The following ICMT variants were observed in gnomAD, a reference collection of about 807,000 sequenced individuals.
ICMT encodes the protein isoprenylcysteine carboxyl methyltransferase.
Under a neutral mutation model 32.2 loss-of-function variants are expected in ICMT, and 10 were observed. That is an observed-to-expected ratio of 0.31 (90% CI 0.19 to 0.53). ICMT has a LOEUF of 0.53. Ranked by LOEUF, ICMT falls within the 20% of genes least tolerant of loss-of-function variation. The pLI, the probability that ICMT is intolerant of heterozygous loss-of-function variation, is 0.96. For missense variants in ICMT, 265 were observed against 356.9 expected (o/e 0.74, Z 2.07); for synonymous variants, 183 against 158.2 (o/e 1.16, Z -1.18).
At chr1:6,234,638 G>A in intron 2 of ICMT, 1 of 540,560 alleles carries the variant, frequency 1.8e-6, no homozygotes, top group Non-Finnish European at 3.4e-6. Flanking sequence ...CACCACAGCT[G>A]CGGATGACAG....
At chr1:6,235,138 G>A (rs1250572055) in intron 1 of ICMT, among the ~76,000 whole-genome samples, 164 bp from the exon 2 acceptor site, 1 of 152,172 alleles carries the variant, frequency 6.6e-6, no homozygotes, top group Non-Finnish European at 1.5e-5. Flanking sequence ...TGCACCCACC[G>A]CTCTCTGGCT....
chr1:6,225,089 C>T lies in ICMT; in HGVS notation c.846G>A (p.Val282=), dbSNP rs149108074. ...CCGGGGCCACTGCCCGTCACAGGTC[C>T]ACCTTGACCCCCTTTATGAAAGGCA... ...TGLPFIKGVK[V]DL The change falls in exon 5 of 5, where the codon GTG becomes GTA. Residue 282 remains valine (V), a synonymous_variant. Transcript: ENST00000343813. 5 of 1,612,932 alleles carry T rather than the reference C, an allele frequency of 3.1e-6. No homozygotes were observed. Among genetic ancestry groups the T allele is most frequent in the Non-Finnish European group, 3.4e-6 (4 of 1,179,290 alleles).
In ICMT at chr1:6,225,043, G is replaced by A; in HGVS notation, c.*37C>T. On this transcript the variant is annotated 3_prime_UTR_variant, in exon 5 of 5. Coordinates refer to ENST00000343813, the MANE Select transcript of ICMT (RefSeq NM_012405.4). ...AAACAGTTTTGTCCCAGGCTGCACA[G>A]GGTCGGAGGCCCCAAGGTCACCGGG... 1 of 1,575,150 alleles carries A rather than the reference G, an allele frequency of 6.3e-7. No homozygotes were observed. Among genetic ancestry groups the A allele is most frequent in the East Asian group, 2.2e-5 (1 of 44,582 alleles).
chr1:6,227,843 G>C (rs141498969), intron 4 of ICMT, among the ~76,000 whole-genome samples: 1 of 151,760 alleles, frequency 6.6e-6, no homozygotes, highest in Non-Finnish European at 1.5e-5. Context: ...GCGACAGAGC[G>C]AGACTCTGTC....
At chr1:6,234,051 GTTGGCAAGGCTGGTCTCGAACTCCTGGC>G (rs1276835238) in intron 2 of ICMT, among the ~76,000 whole-genome samples, 1 of 152,168 alleles carries the variant, frequency 6.6e-6, no homozygotes, top group Non-Finnish European at 1.5e-5. Flanking sequence ...GTTTCGCTAT[GTTGGCAAGGCTGGTCTCGAACTCCTGGC>G]TTGGCCAGGC....
intron 4 of ICMT, among the ~76,000 whole-genome samples, chr1:6,227,628 A>G (rs1668664797): frequency 6.6e-6 from 1 of 152,156 alleles, no homozygotes; most frequent in Admixed American, 6.6e-5. Context: ...GACTGAGGCA[A>G]GTGGATCATG....
At chr1:6,229,628 C>T (rs1668699650) in intron 4 of ICMT, among the ~76,000 whole-genome samples, 1 of 152,178 alleles carries the variant, frequency 6.6e-6, no homozygotes, top group Non-Finnish European at 1.5e-5. Flanking sequence ...CACCGCACTC[C>T]AGCCTGGGCA....
intron 3 of ICMT, among the ~76,000 whole-genome samples, chr1:6,233,003 A>C (rs1033959179): frequency 2.0e-5 from 3 of 151,638 alleles, no homozygotes; most frequent in Non-Finnish European, 4.4e-5. Context: ...GATTACAGGC[A>C]TGTGCCACTA....
rs1227858203 is a variant in ICMT, at chr1:6,225,227, A to G, written c.708T>C (p.Tyr236=). The G allele has an allele frequency of 6.2e-7, 1 of 1,613,940 alleles. No individual in the cohort carries two copies. The highest frequency in any genetic ancestry group is 8.5e-7 in the Non-Finnish European group (1 of 1,179,994). ...GGAAGAATCGCCACACTGTCAGGGC[A>G]TAGCTGACGCCGCAGATGGGGTTAC... The part of the protein sequence containing the change: ...MLCNPICGVS[Y]ALTVWRFFRD... The change falls in exon 5 of 5, where the codon TAT becomes TAC. Residue 236 remains tyrosine (Y), a synonymous_variant. Transcript: ENST00000343813.
chr1:6,229,232 G>A (rs553238006), intron 4 of ICMT, among the ~76,000 whole-genome samples: 3 of 152,070 alleles, frequency 2.0e-5, no homozygotes, highest in Non-Finnish European at 4.4e-5. Flanking sequence ...TAATCCCAAC[G>A]CTTTGGGAGG....
chr1:6,234,858 A>T (rs773837622), intron 2 of ICMT, 28 bp downstream of exon 2: 3 of 1,542,608 alleles, frequency 1.9e-6, no homozygotes, highest in Non-Finnish European at 2.7e-6. Context: ...CCTCGCCTGA[A>T]AACCAGTATT....
At chr1:6,235,037 G>T in intron 1 of ICMT, 63 bp from the exon 2 acceptor site, 1 of 1,365,094 alleles carries the variant, frequency 7.3e-7, no homozygotes, top group South Asian at 1.2e-5. Context: ...CTGGGCTGCT[G>T]ACCTTCCCGG....
chr1:6,233,759 T>TA, intron 2 of ICMT, 116 bp from the exon 3 acceptor site: 2 of 785,630 alleles, frequency 2.5e-6, no homozygotes, highest in Non-Finnish European at 4.0e-6. Context: ...CTCACCTGTC[T>TA]GAGAGTGGAC....
At position 6,234,953 on chromosome 1, in the gene ICMT, G is replaced by A; in HGVS notation, c.217C>T (p.Leu73=). The part of the protein sequence containing the change: ...RYQIAIRACF[L]GFVFGCGTLL... ...GTGCCGCAGCCGAACACAAACCCCA[G>A]GAAACAAGCTCGGATGGCTATCTGA... The change falls in exon 2 of 5, where the codon CTG becomes TTG. Residue 73 remains leucine, a synonymous_variant. Transcript: ENST00000343813. 8 of 1,613,902 alleles carry A rather than the reference G, an allele frequency of 5.0e-6. No homozygotes were observed. Among genetic ancestry groups the A allele is most frequent in the Non-Finnish European group, 6.8e-6 (8 of 1,179,974 alleles).
intron 2 of ICMT, 111 bp downstream of exon 2, chr1:6,234,775 T>G (rs1215448591): frequency 1.2e-6 from 1 of 834,408 alleles, no homozygotes; most frequent in Non-Finnish European, 2.0e-6. Flanking sequence ...CAGAGAACCC[T>G]GAACAGCCTT....
intron 4 of ICMT, among the ~76,000 whole-genome samples, chr1:6,231,439 G>C (rs1203463961): frequency 1.3e-5 from 2 of 152,062 alleles, no homozygotes; most frequent in East Asian, 3.9e-4. Flanking sequence ...AGGCACAATG[G>C]CTCATGCCTA....
At chr1:6,233,716 C>T (rs147871534) in intron 2 of ICMT, 73 bp from the exon 3 acceptor site, 162 of 1,267,676 alleles carry the variant, frequency 1.3e-4, no homozygotes, top group Non-Finnish European at 1.7e-4. Context: ...ATCTGGGTCT[C>T]CTGAGCTGTC....
chr1:6,234,874 A>C lies in ICMT; in HGVS notation c.284+12T>G. 6.2e-7 allele frequency: 1 copy of C among 1,601,504 alleles called. No individual in the cohort carries two copies. The highest frequency in any genetic ancestry group is 8.6e-7 in the Non-Finnish European group (1 of 1,168,560). On this transcript the variant is annotated intron_variant, in intron 2 of 4. Coordinates refer to ENST00000343813, the MANE Select transcript of ICMT (RefSeq NM_012405.4). ...CTCGCCTGAAAACCAGTATTTCCGA[A>C]GGAATTCTTACCAGCCAAAGTGACT...
intron 2 of ICMT, 145 bp downstream of exon 2, chr1:6,234,741 G>A: frequency 2.9e-6 from 2 of 693,742 alleles, no homozygotes; most frequent in South Asian, 3.4e-5. Flanking sequence ...GAGCAACTAG[G>A]GGGAAGCCAG....
Sources: gnomAD v4.1 joint callset for allele counts (sites outside exome capture counted in the v4.1 genomes callset) on GRCh38, gnomAD v4.1.1 for gene constraint, MANE v1.5 for transcripts, NCBI Gene and HGNC (gene_info 2026-07-23, HGNC 2026-07-21) for gene names.